RGS22: variants seen among roughly 807,000 people sequenced by gnomAD.
RGS22 encodes the protein regulator of G-protein signaling 22.
RGS22 carries 148 observed loss-of-function variants against 172.9 expected under a neutral mutation model. That is an observed-to-expected ratio of 0.86 (90% CI 0.75 to 0.98). The LOEUF (loss-of-function observed/expected upper bound fraction) is 0.98, where lower values mean the gene tolerates loss of function less well. Among genes scored for constraint, RGS22 ranks in the 50% least tolerant of loss-of-function variants. The pLI, the probability that RGS22 is intolerant of heterozygous loss-of-function variation, is 0.00. For missense variants in RGS22, 1,347 were observed against 1,440.8 expected, an observed-to-expected ratio of 0.93 and a Z score of 1.05; for synonymous variants, 458 against 480.2, an observed-to-expected ratio of 0.95 and a Z score of 0.60.
At chr8:100,037,443 C>T (rs3133696) in intron 14 of RGS22, among the ~76,000 whole-genome samples, 1,917 of 152,296 alleles carry the variant, frequency 0.013, 58 homozygotes, top group East Asian at 0.11. Flanking sequence ...GTTTTCCTCT[C>T]ACCCTGCTTT....
At chr8:99,977,305 T>C (rs998067069) in intron 23 of RGS22, among the ~76,000 whole-genome samples, 1 of 139,032 alleles carries the variant, frequency 7.2e-6, no homozygotes, top group African/African-American at 2.7e-5. Context: ...TGTATTTCAG[T>C]AGAGATGGGG....
chr8:100,076,102 T>C (rs1811328693), intron 4 of RGS22, among the ~76,000 whole-genome samples: 1 of 152,240 alleles, frequency 6.6e-6, no homozygotes, highest in African/African-American at 2.4e-5. Flanking sequence ...TTTTAAGAGT[T>C]ATTTTTATAG....
chr8:100,006,120 T>A lies in RGS22; in HGVS notation c.2362-11A>T, dbSNP rs760024377. On this transcript the variant is annotated splice_polypyrimidine_tract_variant and intron_variant, in intron 15 of 27. Transcript: ENST00000360863. Reference sequence around the variant, plus strand: ...TTCCACCAGCTCCACCTAAAAAAAATAAATAAAGCTTGTGACATCAAGAGA... The same window carrying A: ...TTCCACCAGCTCCACCTAAAAAAAAAAAATAAAGCTTGTGACATCAAGAGA... The A allele has an allele frequency of 1.1e-5, 18 of 1,600,934 alleles. No homozygotes were observed. The highest frequency in any genetic ancestry group is 1.5e-5 in the Non-Finnish European group (18 of 1,170,852).
rs535956613 is a variant in RGS22, at chr8:100,010,975, A to G, written c.2167-2406T>C. Among the ~76,000 whole-genome samples the G allele has an allele frequency of 3.9e-5, 6 of 152,016 alleles. No individual in the cohort carries two copies. In the South Asian group the frequency reaches 1.0e-3, roughly 26 times the overall value. ...AAGATAACTGTTAAGCTGAATCTCTAAAGATAAGTTGGAGTCAATAATCGC... is the reference window on the plus strand; with the variant it reads ...AAGATAACTGTTAAGCTGAATCTCTGAAGATAAGTTGGAGTCAATAATCGC... On this transcript the variant is annotated intron_variant, in intron 14 of 27. Transcript: ENST00000360863.
chr8:100,014,672 T>C (rs991279313), intron 14 of RGS22, among the ~76,000 whole-genome samples: 1 of 152,136 alleles, frequency 6.6e-6, no homozygotes, highest in Non-Finnish European at 1.5e-5. Flanking sequence ...TTCCTTTTCC[T>C]CCATTCCTCC....
intron 7 of RGS22, among the ~76,000 whole-genome samples, chr8:100,065,950 A>G (rs1329689735): frequency 6.6e-6 from 1 of 152,172 alleles, no homozygotes; most frequent in Non-Finnish European, 1.5e-5. Context: ...AACTCATCAA[A>G]CATCACACAG....
intron 6 of RGS22, among the ~76,000 whole-genome samples, chr8:100,069,543 A>T (rs1322566175): frequency 6.6e-6 from 1 of 152,236 alleles, no homozygotes; most frequent in African/African-American, 2.4e-5. Context: ...ATCATGGAGG[A>T]CAAATGTATT....
At chr8:100,036,526 G>C (rs1037942627) in intron 14 of RGS22, among the ~76,000 whole-genome samples, 1 of 152,150 alleles carries the variant, frequency 6.6e-6, no homozygotes, top group Non-Finnish European at 1.5e-5. Flanking sequence ...TAAGTCTCTT[G>C]AAATCAAATC....
intron 20 of RGS22, among the ~76,000 whole-genome samples, chr8:99,992,738 C>T (rs2131278420): frequency 6.6e-6 from 1 of 152,138 alleles, no homozygotes; most frequent in South Asian, 2.1e-4. Flanking sequence ...GATATCCAGA[C>T]CTGAACTCAG....
At chr8:99,996,145 A>G (rs928604577) in intron 20 of RGS22, among the ~76,000 whole-genome samples, 2 of 152,114 alleles carry the variant, frequency 1.3e-5, no homozygotes, top group Non-Finnish European at 2.9e-5. Context: ...TAACATTAGG[A>G]GAAATAACTA....
chr8:100,028,455 CAAAAAAA>C (rs201672610), intron 14 of RGS22, among the ~76,000 whole-genome samples: 2 of 91,832 alleles, frequency 2.2e-5, no homozygotes, highest in African/African-American at 3.3e-5. Context: ...ACCTAGGAGA[CAAAAAAA>C]AAAAAAAAAG....
At chr8:100,079,037 C>T (rs1811559292) in intron 4 of RGS22, among the ~76,000 whole-genome samples, 1 of 152,186 alleles carries the variant, frequency 6.6e-6, no homozygotes, top group Non-Finnish European at 1.5e-5. Context: ...ATAAGATCAT[C>T]CAGATCTTTT....
chr8:100,093,214 C>A, intron 3 of RGS22: 1 of 399,974 alleles, frequency 2.5e-6, no homozygotes. Context: ...AGAGTTTGTA[C>A]AGAATGCTTT....
chr8:100,053,775 A>G (rs1376352019), intron 9 of RGS22, among the ~76,000 whole-genome samples: 1 of 151,996 alleles, frequency 6.6e-6, no homozygotes, highest in East Asian at 1.9e-4. Context: ...AGCTGGGACT[A>G]CAGGCGTGTG....
At chr8:100,032,405 C>G (rs991347436) in intron 14 of RGS22, among the ~76,000 whole-genome samples, 1 of 151,968 alleles carries the variant, frequency 6.6e-6, no homozygotes, top group Non-Finnish European at 1.5e-5. Flanking sequence ...CAACAAAGAT[C>G]AAAAGAGACA....
intron 4 of RGS22, among the ~76,000 whole-genome samples, chr8:100,078,867 T>C (rs1250312049): frequency 1.3e-5 from 2 of 152,224 alleles, no homozygotes; most frequent in East Asian, 3.8e-4. Context: ...GCTCAGGCAA[T>C]CCACCTGCCT....
chr8:100,067,887 T>A (rs1355461469), intron 6 of RGS22, among the ~76,000 whole-genome samples: 1 of 152,018 alleles, frequency 6.6e-6, no homozygotes, highest in Admixed American at 6.6e-5. Context: ...CCTCCCAAAG[T>A]GCTAGGATTA....
At chr8:99,969,264 CTG>C (rs1811077709) in intron 23 of RGS22, among the ~76,000 whole-genome samples, 1 of 152,150 alleles carries the variant, frequency 6.6e-6, no homozygotes, top group African/African-American at 2.4e-5. Context: ...AAAGGAAAAA[CTG>C]GTAACAGCCA....
rs917374472 is a variant in RGS22, at chr8:99,982,230, A to C, written c.3181-114T>G. 54 of 770,090 alleles carry C rather than the reference A, an allele frequency of 7.0e-5. 1 individual carries two copies. Among genetic ancestry groups the C allele is most frequent in the Non-Finnish European group, 1.0e-4 (53 of 515,182 alleles). The allele number at this position is 770,090 out of a possible 1,614,324, so 47.7% of individuals were successfully genotyped here. ...TATGCATTTCAACTTTAGGTCAAGA[A>C]GGCAGTGGGATATTTCAAGGCTGTC... On this transcript the variant is annotated intron_variant, in intron 21 of 27. Transcript: ENST00000360863.
Sources: allele counts gnomAD v4.1 joint callset (sites outside exome capture counted in the v4.1 genomes callset), GRCh38; gene constraint gnomAD v4.1.1; transcripts MANE v1.5; gene names NCBI Gene and HGNC (gene_info 2026-07-23, HGNC 2026-07-21).